Variants in SLC13A3 observed in about 807,000 individuals in gnomAD.
SLC13A3 encodes the protein solute carrier family 13 member 3.
SLC13A3 carries 40 observed loss-of-function variants against 59.0 expected under a neutral mutation model. The observed-to-expected ratio is 0.68, with a 90% CI of 0.53 to 0.88. The LOEUF is 0.88. Ranked by LOEUF, SLC13A3 falls within the 40% of genes least tolerant of loss-of-function variation. The pLI is 0.00. For missense variants in SLC13A3, 699 were observed against 783.2 expected, an observed-to-expected ratio of 0.89 and a Z score of 1.28; for synonymous variants, 317 against 330.3, an observed-to-expected ratio of 0.96 and a Z score of 0.44.
chr20:46,563,734 GAGTT>G (rs1160639461), intron 11 of SLC13A3, among the ~76,000 whole-genome samples, 183 bp from the exon 12 acceptor site: 1 of 152,142 alleles, frequency 6.6e-6, no homozygotes, highest in East Asian at 1.9e-4. Flanking sequence ...TGAGAAGAGA[GAGTT>G]AGAGAGACAG....
At chr20:46,680,591 C>T (rs569562375) in intron 1 of SLC13A3, among the ~76,000 whole-genome samples, 40 of 152,296 alleles carry the variant, frequency 2.6e-4, no homozygotes, top group Admixed American at 2.6e-3. Flanking sequence ...CCCTTCCAGG[C>T]GTGACACCCC....
upstream of SLC13A3, among the ~76,000 whole-genome samples, chr20:46,674,604 C>CGTGTGTGTGT (rs58582046): frequency 0.06 from 7,691 of 127,654 alleles, 291 homozygotes; most frequent in East Asian, 0.1. Context: ...CGCGCGCGCG[C>CGTGTGTGTGT]GTGTGTGTGT....
chr20:46,661,286 A>G (rs754308270), intron 1 of SLC13A3, among the ~76,000 whole-genome samples: 9 of 152,212 alleles, frequency 5.9e-5, no homozygotes, highest in Non-Finnish European at 1.2e-4. Context: ...CCGATAGAGT[A>G]TGGAATTAAC....
chr20:46,597,720 A>C (rs948083876), intron 4 of SLC13A3, among the ~76,000 whole-genome samples: 6 of 152,248 alleles, frequency 3.9e-5, no homozygotes, highest in African/African-American at 1.4e-4. Context: ...TACAGGCATA[A>C]GCCACCGCGG....
At chr20:46,597,684 G>T (rs761840848) in intron 4 of SLC13A3, among the ~76,000 whole-genome samples, 9 of 152,174 alleles carry the variant, frequency 5.9e-5, no homozygotes, top group East Asian at 1.9e-4. Context: ...TAATCTGCCC[G>T]CCTTGGCCTC....
chr20:46,613,588 G>A lies in SLC13A3; in HGVS notation c.249C>T (p.Pro83=). Residue 83 remains proline (P), a synonymous_variant, in exon 2 of 13, where the codon CCC becomes CCT. Transcript: ENST00000279027. ...GGAAGTTGGTGTCGAGGAAGTACTG[G>A]GGGCAGACCTTGTTGGAGGGCAAGA... ...MGILPSNKVC[P]QYFLDTNFLF... 2 of 1,613,800 alleles carry A rather than the reference G, an allele frequency of 1.2e-6. No homozygotes were observed. Among genetic ancestry groups the A allele is most frequent in the Non-Finnish European group, 1.7e-6 (2 of 1,179,820 alleles).
At chr20:46,671,736 G>C (rs761330413), upstream of SLC13A3, among the ~76,000 whole-genome samples, 1 of 152,164 alleles carries the variant, frequency 6.6e-6, no homozygotes, top group African/African-American at 2.4e-5. Flanking sequence ...CCAGAGCAAA[G>C]CTCACCCATT....
intron 6 of SLC13A3, among the ~76,000 whole-genome samples, chr20:46,589,794 A>T (rs847088): frequency 0.2 from 30,568 of 152,096 alleles, 3,820 homozygotes; most frequent in East Asian, 0.4. Context: ...CTGGACAGCC[A>T]TGTGGAAAAG....
intron 6 of SLC13A3, among the ~76,000 whole-genome samples, chr20:46,592,062 A>T (rs1327560115): frequency 1.3e-5 from 2 of 152,020 alleles, no homozygotes; most frequent in Non-Finnish European, 2.9e-5. Flanking sequence ...AAAAAAAAAA[A>T]TTTAACCAGG....
chr20:46,582,562 T>C, intron 9 of SLC13A3: 1 of 842,754 alleles, frequency 1.2e-6, no homozygotes, highest in Non-Finnish European at 1.4e-6. Context: ...GTGATGGTGC[T>C]ACTGCACCCC....
intron 12 of SLC13A3, among the ~76,000 whole-genome samples, chr20:46,561,002 C>A (rs2061925857): frequency 6.6e-6 from 1 of 152,072 alleles, no homozygotes; most frequent in South Asian, 2.1e-4. Flanking sequence ...ATCTTGGGGC[C>A]CCCAAATTAC....
At chr20:46,640,333 A>G (rs1462084293) in intron 1 of SLC13A3, among the ~76,000 whole-genome samples, 1 of 152,062 alleles carries the variant, frequency 6.6e-6, no homozygotes, top group Non-Finnish European at 1.5e-5. Context: ...AGGGTGGGGA[A>G]GGGACTTCAC....
chr20:46,568,401 C>CAA (rs66526539), intron 10 of SLC13A3, among the ~76,000 whole-genome samples: 686 of 58,662 alleles, frequency 0.012, 57 homozygotes, highest in African/African-American at 0.022. Context: ...GACTCCATCT[C>CAA]AAAAAAAAAA....
Position 46,657,402 on chromosome 20 carries a change from T to C in SLC13A3, c.-31+12641A>G, listed in dbSNP as rs200606011. On this transcript the variant is annotated intron_variant, in intron 1 of 12. Transcript: ENST00000290317. ...AAAAAAAAAAGTCAGTGTGAGACCT[T>C]CCACTTGTCTTATACAACAAGTGAC... Among the ~76,000 whole-genome samples, 147 of 152,208 alleles carry C rather than the reference T, an allele frequency of 9.7e-4. 1 individual carries two copies. Among genetic ancestry groups the C allele is most frequent in the African/African-American group, 3.5e-3 (144 of 41,544 alleles).
At chr20:46,579,588 A>G (rs1361972070) in intron 9 of SLC13A3, among the ~76,000 whole-genome samples, 2 of 152,248 alleles carry the variant, frequency 1.3e-5, no homozygotes, top group African/African-American at 4.8e-5. Context: ...AAGGACAGGC[A>G]GTGCTCATGG....
At chr20:46,604,265 T>G (rs1452206435) in intron 3 of SLC13A3, among the ~76,000 whole-genome samples, 1 of 152,082 alleles carries the variant, frequency 6.6e-6, no homozygotes, top group African/African-American at 2.4e-5. Context: ...GTGCCCAGCC[T>G]CCAGTCCAGA....
chr20:46,619,717 G>T (rs571652716), intron 1 of SLC13A3, among the ~76,000 whole-genome samples: 2 of 152,228 alleles, frequency 1.3e-5, no homozygotes, highest in African/African-American at 4.8e-5. Flanking sequence ...TTTTCCTTTT[G>T]CCAGGAACAT....
intron 1 of SLC13A3, among the ~76,000 whole-genome samples, chr20:46,624,824 C>T (rs1165603922): frequency 6.6e-6 from 1 of 152,114 alleles, no homozygotes; most frequent in African/African-American, 2.4e-5. Flanking sequence ...AGAATTTCAG[C>T]CCAGGTCCTC....
At chr20:46,604,118 T>A (rs847058) in intron 3 of SLC13A3, among the ~76,000 whole-genome samples, 111,225 of 152,116 alleles carry the variant, frequency 0.73, 42,001 homozygotes, top group African/African-American at 0.93. Flanking sequence ...ACTCAGAGCC[T>A]GGTCACTTCA....
Sources: gnomAD v4.1 joint callset for allele counts (sites outside exome capture counted in the v4.1 genomes callset) on GRCh38, gnomAD v4.1.1 for gene constraint, MANE v1.5 for transcripts, NCBI Gene and HGNC (gene_info 2026-07-23, HGNC 2026-07-21) for gene names.